LZTR1: variants seen among roughly 807,000 people sequenced by gnomAD.
LZTR1 encodes the protein leucine-zipper-like transcriptional regulator 1.
Under a neutral mutation model 105.7 loss-of-function variants are expected in LZTR1, and 260 were observed. That is an observed-to-expected ratio of 2.46 (90% confidence interval 2.22 to 2.72). LZTR1 has a LOEUF of 2.72. Ranked by LOEUF, LZTR1 falls within the 30% of genes most tolerant of loss-of-function variation. The pLI is 0.00. For missense variants in LZTR1, 1,214 were observed against 1,166.9 expected, an observed-to-expected ratio of 1.04 and a Z score of -0.59; for synonymous variants, 490 against 476.4, an observed-to-expected ratio of 1.03 and a Z score of -0.37.
chr22:20,990,341 G>C (rs368118330), intron 7 of LZTR1, 45 bp from the exon 8 acceptor site: 2 of 1,611,602 alleles, frequency 1.2e-6, no homozygotes, highest in Non-Finnish European at 1.7e-6. Flanking sequence ...TGAAATGTGA[G>C]CGGGCCCTGT....
chr22:20,984,232 G>C (rs537853559), intron 2 of LZTR1, among the ~76,000 whole-genome samples: 1 of 152,318 alleles, frequency 6.6e-6, no homozygotes, highest in South Asian at 2.1e-4. Flanking sequence ...CATCTCTTCA[G>C]TCAAGGCAGG....
chr22:20,994,171 CG>C lies in LZTR1; in HGVS notation c.1518del (p.Leu508CysfsTer48). The C allele has an allele frequency of 6.3e-7, 1 of 1,598,592 alleles. No homozygotes were observed. Among genetic ancestry groups the C allele is most frequent in the South Asian group, 1.1e-5 (1 of 90,100 alleles). ...APGVAAGGAR[P>X]PLLHVAIREA... The stretch of plus-strand genomic sequence containing the variant: ...GGCGTGGCTGCTGGTGGGGCCCGGC[CG>C]CCCCTGCTGCACGTGGCCATCCGGG... On this transcript the variant is annotated frameshift_variant, in exon 14 of 21. Coordinates refer to ENST00000646124, the MANE Select transcript of LZTR1 (RefSeq NM_006767.4). LOFTEE classifies it high-confidence loss of function.
intron 3 of LZTR1, chr22:20,986,934 C>T (rs1924407787): frequency 2.0e-5 from 3 of 152,120 alleles, no homozygotes; most frequent in Admixed American, 2.0e-4. Flanking sequence ...TCATGGAAGC[C>T]TAAGTATGCG....
At chr22:20,985,064 T>G (rs1038114611) in intron 2 of LZTR1, among the ~76,000 whole-genome samples, 2 of 147,716 alleles carry the variant, frequency 1.4e-5, no homozygotes, top group African/African-American at 5.0e-5. Flanking sequence ...TTTCTATTTT[T>G]TTTTTTTTTT....
At position 20,995,828 on chromosome 22, in the gene LZTR1, G is replaced by T; in HGVS notation, c.2025G>T (p.Gly675=). The change falls in exon 17 of 21, where the codon GGG becomes GGT. Residue 675 remains glycine, a synonymous_variant. Coordinates refer to ENST00000646124, the MANE Select transcript of LZTR1 (RefSeq NM_006767.4). ...EFCDITLLLD[G]HPRPAHKAIL... is the part of the protein sequence containing the mutation. The stretch of plus-strand genomic sequence containing the variant: ...GTGACATCACTCTGTTGCTTGACGG[G>T]CACCCACGGCCAGCCCACAAGGCTA... The T allele has an allele frequency of 6.2e-7, 1 of 1,613,230 alleles. No individual in the cohort carries two copies. The highest frequency in any genetic ancestry group is 8.5e-7 in the Non-Finnish European group (1 of 1,179,966).
chr22:20,992,867 A>AC lies in LZTR1; in HGVS notation c.1224dup (p.Asn409GlnfsTer18). The AC allele has an allele frequency of 1.2e-6, 2 of 1,609,738 alleles. No individual in the cohort carries two copies. The highest frequency in any genetic ancestry group is 1.7e-6 in the Non-Finnish European group (2 of 1,178,132). On this transcript the variant is annotated frameshift_variant, in exon 11 of 21. Transcript: ENST00000646124. LOFTEE classifies it high-confidence loss of function. ...ATGTACATCTTCGGGGGCACGGTGG[A>AC]CAACAACATCCGCAGCGGGGAGATG...
In LZTR1 at chr22:20,997,422, A is replaced by G; in HGVS notation, c.*74A>G. On this transcript the variant is annotated 3_prime_UTR_variant, in exon 21 of 21. Transcript: ENST00000646124. The stretch of plus-strand genomic sequence containing the variant: ...CTGCCTACTGAGAAGACTACCGGCT[A>G]TGCGCATGCCTATGGCAGTGGGTGC... The G allele has an allele frequency of 8.8e-7, 1 of 1,131,174 alleles. No individual in the cohort carries two copies. Among genetic ancestry groups the G allele is most frequent in the South Asian group, 1.2e-5 (1 of 80,450 alleles). The allele number at this position is 1,131,174 out of a possible 1,614,324, so 70.1% of individuals were successfully genotyped here.
At position 20,995,076 on chromosome 22, in the gene LZTR1, T is replaced by C. The variant is rs1924782610; in HGVS notation, c.1942+50T>C. The stretch of plus-strand genomic sequence containing the variant: ...TGGGGGCTGGGAGGGATGGTGTTCA[T>C]CTGCGGTAGGAGATTGGGAGCCATG... On this transcript the variant is annotated intron_variant, in intron 16 of 20. Transcript: ENST00000646124. 2.6e-6 allele frequency: 4 copies of C among 1,564,656 alleles called. No homozygotes were observed. The East Asian group carries it at 9.0e-5, about 35-fold the overall frequency.
At chr22:20,996,996 C>T (rs774635907) in intron 20 of LZTR1, 30 bp downstream of exon 20, 26 of 1,609,284 alleles carry the variant, frequency 1.6e-5, no homozygotes, top group Admixed American at 6.7e-5. Context: ...CTTCAGGACT[C>T]GCTTCCCCTT....
rs1341982547 is a variant in LZTR1 at position 20,982,345 on chromosome 22, G to A, written c.-27G>A. 2 of 1,530,242 alleles carry A rather than the reference G, an allele frequency of 1.3e-6. No individual in the cohort carries two copies. Among genetic ancestry groups the A allele is most frequent in the Non-Finnish European group, 8.8e-7 (1 of 1,134,796 alleles). The allele number at this position is 1,530,242 out of a possible 1,614,324, so 94.8% of individuals were successfully genotyped here. A position where few individuals can be genotyped will look rare whatever the true frequency, so the allele number is the denominator to read the frequency against. ...GCGGTGGCCGCAAGTTGGGCTTACA[G>A]CGCGGCCGATCCGGCGTGGACCCGG... On this transcript the variant is annotated 5_prime_UTR_variant, in exon 1 of 21. Coordinates refer to ENST00000646124, the MANE Select transcript of LZTR1 (RefSeq NM_006767.4).
Position 20,994,931 on chromosome 22 carries a change from A to C in LZTR1, c.1847A>C (p.Glu616Ala). 1.2e-6 allele frequency: 2 copies of C among 1,613,386 alleles called. No individual in the cohort carries two copies. Among genetic ancestry groups the C allele is most frequent in the South Asian group, 2.2e-5 (2 of 91,088 alleles). The change falls in exon 16 of 21, where the codon GAG becomes GCG. Residue 616 changes from glutamate to alanine, a missense_variant. Glu to Ala is a moderately radical substitution (Grantham distance 107). Transcript: ENST00000646124. ...SHFNQVIMMK[E>A]FERLSSPLIV... Reference sequence around the variant, plus strand: ...TTCAACCAGGTGATCATGATGAAGGAGTTCGAGCGCCTCTCCTCTCCACTG... The same window carrying C: ...TTCAACCAGGTGATCATGATGAAGGCGTTCGAGCGCCTCTCCTCTCCACTG...
intron 2 of LZTR1, 145 bp downstream of exon 2, chr22:20,983,234 C>T: frequency 1.4e-6 from 1 of 704,054 alleles, no homozygotes; most frequent in South Asian, 1.6e-5. Context: ...AGATTCCTTG[C>T]ACTCACCTCC....
At chr22:20,994,356 T>C (rs1189874624) in intron 14 of LZTR1, 87 bp downstream of exon 14, 3 of 1,450,910 alleles carry the variant, frequency 2.1e-6, no homozygotes, top group Admixed American at 1.9e-5. Flanking sequence ...AGCCCTGCCT[T>C]ACTGATGGGC....
At position 20,991,701 on chromosome 22, in the gene LZTR1, A is replaced by G. The variant is rs2147964929; in HGVS notation, c.865A>G (p.Met289Val). 4 of 1,599,660 alleles carry G rather than the reference A, an allele frequency of 2.5e-6. No homozygotes were observed. Among genetic ancestry groups the G allele is most frequent in the Non-Finnish European group, 3.4e-6 (4 of 1,174,202 alleles). The stretch of plus-strand genomic sequence containing the variant: ...CCCGCAGCGGCGCTACGGGCATACC[A>G]TGGTGGCCTTTGACCGCCACCTCTA... Reference protein sequence around the residue: ...PPPQRRYGHTMVAFDRHLYVF... With the variant: ...PPPQRRYGHTVVAFDRHLYVF... Residue 289 changes from methionine (M) to valine (V), a missense_variant, in exon 9 of 21, where the codon ATG becomes GTG. Physicochemically the swap from Met to Val is conservative, Grantham distance 21. Coordinates refer to ENST00000646124, the MANE Select transcript of LZTR1 (RefSeq NM_006767.4).
chr22:20,987,399 AAAAAG>A, intron 3 of LZTR1, 100 bp from the exon 4 acceptor site: 1 of 665,396 alleles, frequency 1.5e-6, no homozygotes, highest in South Asian at 1.8e-5. Flanking sequence ...AAAAAAAAAA[AAAAAG>A]AAAAAAGAAA....
intron 6 of LZTR1, among the ~76,000 whole-genome samples, chr22:20,989,149 T>A (rs946339897): frequency 2.6e-5 from 4 of 151,894 alleles, no homozygotes; most frequent in African/African-American, 9.7e-5. Context: ...GGTGGGCGGG[T>A]GGGCGGTGCC....
In LZTR1 at chr22:20,982,415, C is replaced by G; in HGVS notation, c.44C>G (p.Ala15Gly). The G allele has an allele frequency of 6.4e-7, 1 of 1,570,950 alleles. No homozygotes were observed. The highest frequency in any genetic ancestry group is 8.6e-7 in the Non-Finnish European group (1 of 1,157,614). ...ACGGGGGGGCAGATCGGGGCTGCGG[C>G]CCTGGCAGGCGGCGCGCGGTCCAAG... ...GSTGGQIGAA[A>G]LAGGARSKVA... The change falls in exon 1 of 21, where the codon GCC becomes GGC. Residue 15 changes from alanine (A) to glycine (G), a missense_variant. By Grantham distance (60) the Ala-to-Gly change is moderately conservative. Transcript: ENST00000646124.
intron 20 of LZTR1, 128 bp from the exon 21 acceptor site, chr22:20,997,104 G>C (rs2147970742): frequency 9.0e-7 from 1 of 1,115,186 alleles, no homozygotes; most frequent in Middle Eastern, 2.0e-4. Context: ...CCCATCACTG[G>C]CCGCACCTTG....
rs557006054 is a variant in LZTR1, at chr22:20,997,203, C to G, written c.2407-29C>G. 6.8e-6 allele frequency: 10 copies of G among 1,462,824 alleles called. No homozygotes were observed. The South Asian group carries it at 1.1e-4, about 17-fold the overall frequency. 90.6% of individuals were successfully genotyped at this position (1,462,824 alleles called of 1,614,324 possible). ...CATGGCCCTTAGGTGGATCTGGTCCCATCTCCTTCCGGCCTGCTTGCCTTA... is the reference window on the plus strand; with the variant it reads ...CATGGCCCTTAGGTGGATCTGGTCCGATCTCCTTCCGGCCTGCTTGCCTTA... On this transcript the variant is annotated intron_variant, in intron 20 of 20. Coordinates refer to ENST00000646124, the MANE Select transcript of LZTR1 (RefSeq NM_006767.4).
Sources: allele counts gnomAD v4.1 joint callset (sites outside exome capture counted in the v4.1 genomes callset), GRCh38; gene constraint gnomAD v4.1.1; transcripts MANE v1.5; gene names NCBI Gene and HGNC (gene_info 2026-07-23, HGNC 2026-07-21).